The following DDHD2 variants were observed in gnomAD, a reference collection of about 807,000 sequenced individuals.
The protein encoded by DDHD2 is triacylglycerol hydrolase DDHD2.
DDHD2 carries 62 observed loss-of-function variants against 91.2 expected under a neutral mutation model. The observed-to-expected ratio is 0.68, with a 90% confidence interval of 0.55 to 0.84. The LOEUF (loss-of-function observed/expected upper bound fraction) is 0.84. Ranked by LOEUF, DDHD2 falls within the 40% of genes least tolerant of loss-of-function variation. The pLI, the probability that DDHD2 is intolerant of heterozygous loss-of-function variation, is 0.00. For synonymous variants in DDHD2, 271 were observed against 293.9 expected (o/e 0.92, Z 0.80); for missense variants, 740 against 846.9 (o/e 0.87, Z 1.57).
At chr8:38,266,222 A>G, downstream of DDHD2, 1 of 1,613,888 alleles carries the variant, frequency 6.2e-7, no homozygotes, top group East Asian at 2.2e-5. Context: ...AAGGCACAGA[A>G]CCTCCAAGAT....
At position 38,252,232 on chromosome 8, in the gene DDHD2, T is replaced by C; in HGVS notation, c.1562T>C (p.Ile521Thr). ...MFLTVRGLKR[I>T]DPNYRFPTCK... ...CTTACTGTCCGAGGACTAAAAAGAA[T>C]TGATCCCAACTACAGATTTCCAACG... The change falls in exon 13 of 18, where the codon ATT (isoleucine) becomes ACT (threonine). Residue 521 changes from isoleucine to threonine, a missense_variant. By Grantham distance (89) the Ile-to-Thr change is moderately conservative. Around this residue, in one of 2 missense-constraint regions of DDHD2, gnomAD observed 693 missense variants for 764.2 expected, o/e 0.91. Coordinates refer to ENST00000397166, the MANE Select transcript of DDHD2 (RefSeq NM_015214.3). 1.2e-6 allele frequency: 2 copies of C among 1,614,170 alleles called. No homozygotes were observed. The highest frequency in any genetic ancestry group is 1.7e-6 in the Non-Finnish European group (2 of 1,180,036).
chr8:38,245,300 C>T (rs966883397), intron 7 of DDHD2, among the ~76,000 whole-genome samples: 2 of 151,934 alleles, frequency 1.3e-5, no homozygotes, highest in African/African-American at 2.4e-5. Flanking sequence ...GGCATGGTGG[C>T]ACATGCCTGC....
At chr8:38,270,998 TG>T (rs1808452231) in intron 1 of DDHD2, 1 of 152,194 alleles carries the variant, frequency 6.6e-6, no homozygotes, top group African/African-American at 2.4e-5. Context: ...TTTTTTGTTT[TG>T]TTTTTTTCCC....
At chr8:38,233,523 ATCTT>A (rs1804457359) in intron 2 of DDHD2, among the ~76,000 whole-genome samples, 1 of 152,038 alleles carries the variant, frequency 6.6e-6, no homozygotes, top group Admixed American at 6.5e-5. Context: ...GGTTCAAGCA[ATCTT>A]TCTGACTGGG....
At chr8:38,263,811 G>C, downstream of DDHD2, 2 of 984,920 alleles carry the variant, frequency 2.0e-6, no homozygotes, top group South Asian at 9.4e-5. Context: ...CTATGTAAAG[G>C]CTTCTTTGTG....
At chr8:38,248,941 T>C (rs962510214) in intron 10 of DDHD2, among the ~76,000 whole-genome samples, 14 of 125,640 alleles carry the variant, frequency 1.1e-4, no homozygotes, top group African/African-American at 4.1e-4. Context: ...CAAGACTCCA[T>C]CTCAAAAAAA....
chr8:38,267,874 G>A, intron 1 of DDHD2: 3 of 1,611,716 alleles, frequency 1.9e-6, no homozygotes, highest in Non-Finnish European at 2.5e-6. Context: ...CAGATGCTGG[G>A]GTGGTTAGCT....
chr8:38,254,671 G>T (rs910846935), intron 16 of DDHD2, among the ~76,000 whole-genome samples: 1 of 152,076 alleles, frequency 6.6e-6, no homozygotes, highest in Admixed American at 6.5e-5. Flanking sequence ...CGCCTGGGCA[G>T]AATTATTATT....
chr8:38,234,002 C>T (rs1330900841), intron 2 of DDHD2, among the ~76,000 whole-genome samples: 4 of 151,484 alleles, frequency 2.6e-5, no homozygotes, highest in Non-Finnish European at 5.9e-5. Flanking sequence ...TCTAACTTGT[C>T]ACTTGTCTTT....
Position 38,235,537 on chromosome 8 carries a change from C to G in DDHD2, c.411+953C>G, listed in dbSNP as rs1002895908. On this transcript the variant is annotated intron_variant, in intron 3 of 17. Coordinates refer to ENST00000397166, the MANE Select transcript of DDHD2 (RefSeq NM_015214.3). ...GGGAGTTTGAGACCAGCCTGACCAA[C>G]ATGGAGAAACCTCGTCTCTACTAAA... Among the ~76,000 whole-genome samples, 6 of 151,808 alleles carry G rather than the reference C, an allele frequency of 4.0e-5. No homozygotes were observed. In the South Asian group the frequency reaches 8.3e-4, roughly 21 times the overall value.
chr8:38,234,484 A>G lies in DDHD2; in HGVS notation c.311A>G (p.Asp104Gly), dbSNP rs1804545120. Residue 104 changes from aspartate (D) to glycine (G), a missense_variant, in exon 3 of 18, where the codon GAT becomes GGT. Asp to Gly is a moderately conservative substitution (Grantham distance 94). Transcript: ENST00000397166. ...GERMRYAVYW[D>G]ELASEVRRCT... is the part of the protein sequence containing the mutation. The stretch of plus-strand genomic sequence containing the variant: ...AGGATGCGGTATGCTGTATACTGGG[A>G]TGAACTGGCATCGGAAGTGAGACGA... The G allele has an allele frequency of 6.2e-7, 1 of 1,613,498 alleles. No homozygotes were observed. Among genetic ancestry groups the G allele is most frequent in the Middle Eastern group, 1.7e-4 (1 of 6,060 alleles).
At chr8:38,235,901 A>AC (rs1157680732) in intron 3 of DDHD2, among the ~76,000 whole-genome samples, 3 of 151,460 alleles carry the variant, frequency 2.0e-5, no homozygotes, top group Admixed American at 1.3e-4. Context: ...ACACACACAC[A>AC]AATACAAATG....
chr8:38,259,204 GTTAT>G (rs1806770852), intron 16 of DDHD2, among the ~76,000 whole-genome samples: 1 of 148,880 alleles, frequency 6.7e-6, no homozygotes, highest in Non-Finnish European at 1.5e-5. Flanking sequence ...ACAATTCTTG[GTTAT>G]TTCTTACTGG....
In DDHD2 at chr8:38,234,440, T is replaced by C. The variant is rs1206039082; in HGVS notation, c.267T>C (p.Tyr89=). 12 of 1,611,030 alleles carry C rather than the reference T, an allele frequency of 7.4e-6. No homozygotes were observed. Among genetic ancestry groups the C allele is most frequent in the Non-Finnish European group, 9.3e-6 (11 of 1,179,542 alleles). ...TTGTTCCTACTGATGGGGGCAGATA[T>C]GATGTTCATTTGGGGGAGAGGATGC... ...GRVVPTDGGR[Y]DVHLGERMRY... Residue 89 remains tyrosine, a synonymous_variant, in exon 3 of 18, where the codon TAT becomes TAC. Coordinates refer to ENST00000397166, the MANE Select transcript of DDHD2 (RefSeq NM_015214.3).
In DDHD2 at chr8:38,261,696, G is replaced by C. The variant is rs1807043498; in HGVS notation, c.*1123G>C. On this transcript the variant is annotated 3_prime_UTR_variant, in exon 18 of 18. Coordinates refer to ENST00000397166, the MANE Select transcript of DDHD2 (RefSeq NM_015214.3). Reference sequence around the variant, plus strand: ...AGCTATTCCAGAGTCAGTGTCAGCTGAGTCTGGAACATATGAAGTGAGGTT... The same window carrying C: ...AGCTATTCCAGAGTCAGTGTCAGCTCAGTCTGGAACATATGAAGTGAGGTT... The C allele has an allele frequency of 6.6e-6, 1 of 152,190 alleles. No homozygotes were observed. Among genetic ancestry groups the C allele is most frequent in the Non-Finnish European group, 1.5e-5 (1 of 68,038 alleles). 9.4% of individuals were successfully genotyped at this position (152,190 alleles called of 1,614,324 possible).
intron 1 of DDHD2, chr8:38,268,683 T>G: frequency 4.9e-6 from 7 of 1,432,300 alleles, no homozygotes; most frequent in Non-Finnish European, 6.4e-6. Context: ...GAAAACGTTG[T>G]CTCAGCCCAA....
Position 38,242,260 on chromosome 8 carries a change from T to C in DDHD2, c.723T>C (p.Phe241=). 6.3e-7 allele frequency: 1 copy of C among 1,587,010 alleles called. No individual in the cohort carries two copies. The highest frequency in any genetic ancestry group is 8.5e-7 in the Non-Finnish European group (1 of 1,172,318). ...AATTTTCTTTTCCAGTTAATGATTT[T>C]CGCAGTGTTTCCTTGAACTTGCTAC... ...FRSIVQCVND[F]RSVSLNLLQT... is the part of the protein sequence containing the mutation. The change falls in exon 7 of 18, where the codon TTT becomes TTC. Residue 241 remains phenylalanine, a synonymous_variant. Coordinates refer to ENST00000397166, the MANE Select transcript of DDHD2 (RefSeq NM_015214.3).
intron 16 of DDHD2, chr8:38,255,324 A>C (rs753492927): frequency 3.9e-6 from 2 of 510,570 alleles, no homozygotes; most frequent in South Asian, 2.9e-5. Context: ...GGCCAAAAGC[A>C]ATCTTGTAAG....
chr8:38,240,869 A>G (rs934655208), intron 6 of DDHD2, among the ~76,000 whole-genome samples: 1 of 152,052 alleles, frequency 6.6e-6, no homozygotes, highest in Non-Finnish European at 1.5e-5. Flanking sequence ...TCACGAGTTC[A>G]AGACCAGCCT....
Sources: allele counts gnomAD v4.1 joint callset (sites outside exome capture counted in the v4.1 genomes callset), GRCh38; gene constraint gnomAD v4.1.1; regional missense constraint gnomAD v4.1.1; transcripts MANE v1.5; gene names NCBI Gene and HGNC (gene_info 2026-07-23, HGNC 2026-07-21).